The following LARGE1 variants were observed in gnomAD, a reference collection of about 807,000 sequenced individuals.
LARGE1 encodes LARGE xylosyl- and glucuronyltransferase 1.
Under a neutral mutation model 87.6 loss-of-function variants are expected in LARGE1, and 43 were observed. The observed-to-expected ratio is 0.49, with a 90% CI of 0.38 to 0.63. The LOEUF (loss-of-function observed/expected upper bound fraction) is 0.63, where lower values mean the gene tolerates loss of function less well. LARGE1 is among the 30% of genes least tolerant of loss of function. LARGE1 has a pLI of 0.00. For missense variants in LARGE1, 802 were observed against 1,000.2 expected, an observed-to-expected ratio of 0.80 and a Z score of 2.67; for synonymous variants, 434 against 394.6, an observed-to-expected ratio of 1.10 and a Z score of -1.18.
chr22:33,267,194 T>C (rs1280416162), intron 11 of LARGE1, among the ~76,000 whole-genome samples: 1 of 151,682 alleles, frequency 6.6e-6, no homozygotes, highest in Non-Finnish European at 1.5e-5. Flanking sequence ...TGAGCTGAGA[T>C]TGTGCTACTG....
chr22:33,235,587 T>G (rs1568984638), intron 11 of LARGE1, among the ~76,000 whole-genome samples: 1 of 152,224 alleles, frequency 6.6e-6, no homozygotes, highest in African/African-American at 2.4e-5. Flanking sequence ...GGTTGGCAAG[T>G]GATGGTAGCT....
intron 2 of LARGE1, among the ~76,000 whole-genome samples, chr22:33,671,068 C>T (rs2267250): frequency 0.045 from 6,841 of 152,164 alleles, 259 homozygotes; most frequent in East Asian, 0.18. Flanking sequence ...AAGCCCTGGT[C>T]GAAGTGGGGA....
At chr22:33,341,000 T>C (rs1320435741) in intron 9 of LARGE1, among the ~76,000 whole-genome samples, 5 of 151,908 alleles carry the variant, frequency 3.3e-5, no homozygotes, top group Non-Finnish European at 5.9e-5. Flanking sequence ...CCTACTACCT[T>C]TACTCTCTCC....
chr22:33,304,165 G>A (rs1934544519), intron 12 of LARGE1, 64 bp downstream of exon 12: 1 of 1,582,254 alleles, frequency 6.3e-7, no homozygotes, highest in Admixed American at 1.7e-5. Flanking sequence ...GGGCCTTTTG[G>A]TCCTGGCACT....
intron 1 of LARGE1, among the ~76,000 whole-genome samples, chr22:33,834,642 G>A (rs192343072): frequency 4.6e-5 from 7 of 152,312 alleles, no homozygotes; most frequent in Admixed American, 2.0e-4. Flanking sequence ...TATTGCTCAC[G>A]CAAAGCCTGT....
At chr22:33,511,020 A>C (rs1447453452) in intron 6 of LARGE1, among the ~76,000 whole-genome samples, 1 of 152,166 alleles carries the variant, frequency 6.6e-6, no homozygotes, top group Non-Finnish European at 1.5e-5. Context: ...GTGCCGATAC[A>C]GTTCTGTATT....
At chr22:33,423,428 G>C (rs1184910484) in intron 7 of LARGE1, among the ~76,000 whole-genome samples, 1 of 151,832 alleles carries the variant, frequency 6.6e-6, no homozygotes, top group African/African-American at 2.4e-5. Flanking sequence ...TGTAATCCCA[G>C]CACTTTGGGA....
At chr22:33,223,439 G>A (rs1925558230) in intron 11 of LARGE1, among the ~76,000 whole-genome samples, 1 of 152,294 alleles carries the variant, frequency 6.6e-6, no homozygotes, top group South Asian at 2.1e-4. Flanking sequence ...GGTTATAGTA[G>A]GCTGATTGGG....
At chr22:33,483,657 T>C (rs1159622543) in intron 6 of LARGE1, among the ~76,000 whole-genome samples, 1 of 152,152 alleles carries the variant, frequency 6.6e-6, no homozygotes, top group African/African-American at 2.4e-5. Context: ...ATGCTAGTAA[T>C]GATCGCTGAT....
At chr22:33,351,913 A>G (rs1053855036) in intron 9 of LARGE1, among the ~76,000 whole-genome samples, 28 of 151,860 alleles carry the variant, frequency 1.8e-4, no homozygotes, top group African/African-American at 6.5e-4. Flanking sequence ...TAATTTTTGT[A>G]TCTTTAGTAG....
At chr22:33,787,704 T>G (rs2085693794) in intron 1 of LARGE1, among the ~76,000 whole-genome samples, 3 of 152,134 alleles carry the variant, frequency 2.0e-5, no homozygotes, top group Admixed American at 2.0e-4. Flanking sequence ...AGTTACCCCC[T>G]CCCTTGACAA....
chr22:33,514,387 A>G (rs116590618), intron 6 of LARGE1, among the ~76,000 whole-genome samples: 192 of 152,328 alleles, frequency 1.3e-3, no homozygotes, highest in African/African-American at 4.4e-3. Flanking sequence ...ACAGGTGTAT[A>G]CTGCCAGCCC....
At chr22:33,584,757 G>A (rs1313850546) in intron 5 of LARGE1, among the ~76,000 whole-genome samples, 1 of 152,080 alleles carries the variant, frequency 6.6e-6, no homozygotes, top group Non-Finnish European at 1.5e-5. Flanking sequence ...ATACGTACTG[G>A]GTGTCTCGGA....
rs1925918169 is a variant in LARGE1, at chr22:33,229,907, C to T, written c.1731-63075G>A. On this transcript the variant is annotated intron_variant, in intron 11 of 11. Coordinates refer to the LARGE1 transcript ENST00000608642. ...AAGCAAGGAGAGGGGGAAAAATATC[C>T]TACAAAATAATTAGAATTAGATTGA... Among the ~76,000 whole-genome samples the T allele has an allele frequency of 2.0e-5, 3 of 151,164 alleles. No homozygotes were observed. The South Asian group carries it at 6.3e-4, about 32-fold the overall frequency.
chr22:33,833,781 G>A (rs2063037985), intron 1 of LARGE1, among the ~76,000 whole-genome samples: 1 of 152,152 alleles, frequency 6.6e-6, no homozygotes. Context: ...TCTGCCTCCT[G>A]GGTTCAAACG....
chr22:33,153,351 T>A, the LARGE1 span, among the ~76,000 whole-genome samples: 2 of 152,324 alleles, frequency 1.3e-5, no homozygotes, highest in African/African-American at 4.8e-5. Context: ...TATTTCTTGA[T>A]TATCAATAAC....
chr22:33,709,899 T>C (rs1278068321), intron 2 of LARGE1, among the ~76,000 whole-genome samples: 1 of 151,036 alleles, frequency 6.6e-6, no homozygotes, highest in Non-Finnish European at 1.5e-5. Flanking sequence ...AGTGCTGGGA[T>C]TACAGGCGTG....
intron 11 of LARGE1, among the ~76,000 whole-genome samples, chr22:33,183,634 A>ACACACACGCACG (rs1555880696): frequency 1.0e-4 from 15 of 146,532 alleles, no homozygotes; most frequent in African/African-American, 3.4e-4. Flanking sequence ...ACACACACAC[A>ACACACACGCACG]CACACACACA....
At chr22:33,528,363 TC>T (rs1384546037) in intron 6 of LARGE1, among the ~76,000 whole-genome samples, 1 of 152,132 alleles carries the variant, frequency 6.6e-6, no homozygotes, top group African/African-American at 2.4e-5. Context: ...TTTATGCTGA[TC>T]AGGGTGACCA....
Sources: allele counts gnomAD v4.1 joint callset (sites outside exome capture counted in the v4.1 genomes callset), GRCh38; gene constraint gnomAD v4.1.1; transcripts MANE v1.5; gene names NCBI Gene and HGNC (gene_info 2026-07-23, HGNC 2026-07-21).